INSRR: variants seen among roughly 807,000 people sequenced by gnomAD.
INSRR encodes insulin receptor-related protein.
Under a neutral mutation model 130.0 loss-of-function variants are expected in INSRR, and 114 were observed. The observed-to-expected ratio is 0.88, with a 90% CI of 0.75 to 1.02. The LOEUF (loss-of-function observed/expected upper bound fraction) is 1.02. Ranked by LOEUF, INSRR falls within the 50% of genes least tolerant of loss-of-function variation. The pLI, the probability that INSRR is intolerant of heterozygous loss-of-function variation, is 0.00. For missense variants in INSRR, 1,657 were observed against 1,735.2 expected (o/e 0.95, Z 0.80); for synonymous variants, 674 against 705.2 (o/e 0.96, Z 0.70).
At chr1:156,857,147 T>G (rs924429591) in intron 1 of INSRR, among the ~76,000 whole-genome samples, 2 of 150,564 alleles carry the variant, frequency 1.3e-5, no homozygotes, top group Non-Finnish European at 2.9e-5. Context: ...AGCTTGGCTC[T>G]GCCCAGCAGC....
At chr1:156,852,296 C>T (rs1655253800) in intron 2 of INSRR, 105 bp from the exon 3 acceptor site, 2 of 1,112,314 alleles carry the variant, frequency 1.8e-6, no homozygotes, top group Admixed American at 5.1e-5. Context: ...ACTCAATCTG[C>T]ACCCAGGTCC....
chr1:156,844,665 G>A, intron 13 of INSRR, 41 bp from the exon 14 acceptor site: 2 of 1,613,966 alleles, frequency 1.2e-6, no homozygotes, highest in Non-Finnish European at 1.7e-6. Flanking sequence ...AGGCGATGTA[G>A]GCACAAAACG....
At chr1:156,853,660 A>G in intron 2 of INSRR, 92 bp downstream of exon 2, 1 of 1,250,962 alleles carries the variant, frequency 8.0e-7, no homozygotes, top group Non-Finnish European at 1.1e-6. Context: ...GTGGCAGCTG[A>G]AAGTACTGAC....
rs761571325 is a variant in INSRR, at chr1:156,843,190, C to T, written c.2940G>A (p.Ser980=). The T allele has an allele frequency of 3.8e-5, 61 of 1,613,998 alleles. No homozygotes were observed. The highest frequency in any genetic ancestry group is 6.7e-5 in the East Asian group (3 of 44,892). ...DEWEVPREQI[S]IIRELGQGSF... ...AGCCCTGGCCCAGTTCCCGGATTATCGAGATCTGCTCCCGAGGCACCTCCC... is the reference window on the plus strand; with the variant it reads ...AGCCCTGGCCCAGTTCCCGGATTATTGAGATCTGCTCCCGAGGCACCTCCC... Residue 980 remains serine, a synonymous_variant, in exon 17 of 22, where the codon TCG becomes TCA. Transcript: ENST00000368195.
intron 19 of INSRR, 71 bp downstream of exon 19, chr1:156,842,041 C>T (rs1200539123): frequency 2.5e-6 from 4 of 1,599,800 alleles, no homozygotes; most frequent in Non-Finnish European, 3.4e-6. Context: ...GGCTGTGGGT[C>T]TCCTGATGCC....
chr1:156,846,490 A>T, intron 8 of INSRR, 29 bp downstream of exon 8: 1 of 1,557,378 alleles, frequency 6.4e-7, no homozygotes, highest in Non-Finnish European at 8.9e-7. Flanking sequence ...CAGGCGTCTG[A>T]CTGACTCTTG....
At position 156,841,782 on chromosome 1, in the gene INSRR, G is replaced by A; in HGVS notation, c.3410C>T (p.Thr1137Ile). ...FTVKIGDFGM[T>I]RDVYETDYYR... The stretch of plus-strand genomic sequence containing the variant: ...ATAGTCTGTCTCATACACGTCCCGA[G>A]TCATCCCGAAGTCTGGAAAGTGAGG... The change falls in exon 20 of 22, where the codon ACT becomes ATT. Residue 1137 changes from threonine to isoleucine, a missense_variant. Coordinates refer to ENST00000368195, the MANE Select transcript of INSRR (RefSeq NM_014215.3). 6.2e-7 allele frequency: 1 copy of A among 1,614,144 alleles called. No homozygotes were observed. Among genetic ancestry groups the A allele is most frequent in the Non-Finnish European group, 8.5e-7 (1 of 1,180,000 alleles).
chr1:156,852,921 G>A (rs1387302130), intron 2 of INSRR, among the ~76,000 whole-genome samples: 1 of 152,142 alleles, frequency 6.6e-6, no homozygotes, highest in African/African-American at 2.4e-5. Flanking sequence ...GAGGCGCTGG[G>A]GGTGAGAGGA....
At chr1:156,847,704 C>T (rs1284387802) in intron 7 of INSRR, among the ~76,000 whole-genome samples, 1 of 151,876 alleles carries the variant, frequency 6.6e-6, no homozygotes, top group African/African-American at 2.4e-5. Context: ...GTCATGGGAG[C>T]AGGTGTCCTG....
chr1:156,847,602 C>G (rs1241968367), intron 7 of INSRR, among the ~76,000 whole-genome samples: 1 of 151,880 alleles, frequency 6.6e-6, no homozygotes, highest in Admixed American at 6.6e-5. Context: ...AGTGGGGGAA[C>G]TTGTGGCCCA....
chr1:156,848,161 C>T (rs1403296169), intron 7 of INSRR, among the ~76,000 whole-genome samples: 1 of 152,076 alleles, frequency 6.6e-6, no homozygotes, highest in African/African-American at 2.4e-5. Flanking sequence ...GGGTCTCGGC[C>T]ATTTGAGTGG....
rs1462782876 is a variant in INSRR at position 156,844,599 on chromosome 1, C to T, written c.2600G>A (p.Arg867His). 2.2e-5 allele frequency: 35 copies of T among 1,614,022 alleles called. No individual in the cohort carries two copies. The highest frequency in any genetic ancestry group is 5.5e-5 in the South Asian group (5 of 91,084). ...TCCCCCAAACTTCGCATATCGAAGA[C>T]GGGACACACACAGCACTGTGGCCTC... ...GEEATVLCVS[R>H]LRYAKFGGVH... The change falls in exon 14 of 22, where the codon CGT (arginine) becomes CAT (histidine). Residue 867 changes from arginine to histidine, a missense_variant. Physicochemically the swap from Arg to His is conservative, Grantham distance 29. Coordinates refer to ENST00000368195, the MANE Select transcript of INSRR (RefSeq NM_014215.3).
Position 156,854,066 on chromosome 1 carries a change from C to T in INSRR, c.323G>A (p.Arg108His), listed in dbSNP as rs374655019. ...FPNLAVIRGTRLFLGYALVIF... is the reference protein window; with the variant it reads ...FPNLAVIRGTHLFLGYALVIF... ...GACCAGTGCATAGCCCAGGAAGAGG[C>T]GCGTCCCGCGGATGACTGCTAGGTT... is the stretch of plus-strand genomic sequence containing the variant. The change falls in exon 2 of 22, where the codon CGC (arginine) becomes CAC (histidine). Residue 108 changes from arginine to histidine, a missense_variant. Coordinates refer to ENST00000368195, the MANE Select transcript of INSRR (RefSeq NM_014215.3). The surrounding 1 kb of genome is among the most constrained non-coding windows in gnomAD (Gnocchi z 4.2). The T allele has an allele frequency of 1.5e-5, 24 of 1,613,922 alleles. No homozygotes were observed. The highest frequency in any genetic ancestry group is 6.7e-5 in the Admixed American group (4 of 60,008).
Position 156,845,666 on chromosome 1 carries a change from G to A in INSRR, c.2127C>T (p.Phe709=), listed in dbSNP as rs747625856. 6.2e-7 allele frequency: 1 copy of A among 1,610,744 alleles called. No individual in the cohort carries two copies. The highest frequency in any genetic ancestry group is 8.5e-7 in the Non-Finnish European group (1 of 1,178,984). The change falls in exon 10 of 22, where the codon TTC becomes TTT. Residue 709 remains phenylalanine (F), a synonymous_variant. Transcript: ENST00000368195. ...LPPLEAQEAS[F]QKKFENFLHN... The stretch of plus-strand genomic sequence containing the variant: ...GTAGAAAGTTTTCAAACTTCTTCTG[G>A]AACGAGGCCTCTTGCGCCTCCAGCG...
At chr1:156,847,775 C>T (rs959985021) in intron 7 of INSRR, among the ~76,000 whole-genome samples, 4 of 152,038 alleles carry the variant, frequency 2.6e-5, no homozygotes, top group Non-Finnish European at 4.4e-5. Context: ...GCAGGATCTG[C>T]AGTGTGTGTC....
At chr1:156,849,570 G>T in intron 5 of INSRR, 110 bp from the exon 6 acceptor site, 1 of 742,300 alleles carries the variant, frequency 1.3e-6, no homozygotes, top group East Asian at 2.7e-5. Flanking sequence ...CGGGGAGAGG[G>T]GCACTCAGTG....
chr1:156,843,585 C>G, intron 15 of INSRR, 106 bp from the exon 16 acceptor site: 1 of 1,184,810 alleles, frequency 8.4e-7, no homozygotes, highest in Non-Finnish European at 1.3e-6. Flanking sequence ...AGTTACTGAC[C>G]ACACCCCCAG....
chr1:156,849,128 C>G, intron 6 of INSRR, 81 bp from the exon 7 acceptor site: 1 of 1,597,268 alleles, frequency 6.3e-7, no homozygotes, highest in Non-Finnish European at 8.5e-7. Flanking sequence ...CATCCCATTC[C>G]CAGTGAGACC....
At chr1:156,846,153 T>A in intron 8 of INSRR, 34 bp from the exon 9 acceptor site, 2 of 1,542,812 alleles carry the variant, frequency 1.3e-6, no homozygotes, top group South Asian at 2.5e-5. Context: ...CTCAGGGGTG[T>A]GGGTCTTCCT....
Sources: gnomAD v4.1 joint callset for allele counts (sites outside exome capture counted in the v4.1 genomes callset) on GRCh38, gnomAD v4.1.1 for gene constraint, Gnocchi (gnomAD v3.1) non-coding constraint, MANE v1.5 for transcripts, NCBI Gene and HGNC (gene_info 2026-07-23, HGNC 2026-07-21) for gene names.